Variants in SS18 observed in about 807,000 individuals in gnomAD.
SS18 encodes the protein protein SSXT.
A neutral mutation model predicts 72.5 loss-of-function variants in SS18; 28 were observed. The observed-to-expected ratio is 0.39, with a 90% CI of 0.29 to 0.53. SS18 has a LOEUF of 0.53. Ranked by LOEUF, SS18 falls within the 20% of genes least tolerant of loss-of-function variation. SS18 has a pLI of 0.76. For missense variants in SS18, 518 were observed against 535.3 expected (o/e 0.97, Z 0.32); for synonymous variants, 172 against 164.2 (o/e 1.05, Z -0.37).
chr18:26,053,553 T>C (rs1372662621), intron 4 of SS18, among the ~76,000 whole-genome samples: 1 of 151,646 alleles, frequency 6.6e-6, no homozygotes, highest in East Asian at 1.9e-4. Flanking sequence ...AATAAGAAAA[T>C]ATTATTTATA....
intron 10 of SS18, among the ~76,000 whole-genome samples, chr18:26,026,752 A>G (rs963996844): frequency 6.6e-6 from 1 of 152,196 alleles, no homozygotes; most frequent in Non-Finnish European, 1.5e-5. Context: ...AAATCTACAA[A>G]AACACTACTA....
chr18:26,030,160 C>A (rs1176356087), intron 10 of SS18, among the ~76,000 whole-genome samples: 12 of 152,216 alleles, frequency 7.9e-5, no homozygotes, highest in Admixed American at 3.3e-4. Flanking sequence ...AAGTTCAAGT[C>A]CCCTAATACG....
chr18:26,067,793 CA>C (rs767454015), intron 3 of SS18, among the ~76,000 whole-genome samples: 5 of 151,732 alleles, frequency 3.3e-5, no homozygotes, highest in Non-Finnish European at 5.9e-5. Flanking sequence ...TCATGCTTAC[CA>C]AAAAGACCAG....
At chr18:26,077,411 T>C (rs2054436434) in intron 3 of SS18, among the ~76,000 whole-genome samples, 1 of 152,012 alleles carries the variant, frequency 6.6e-6, no homozygotes, top group Non-Finnish European at 1.5e-5. Flanking sequence ...AAATGCAGAA[T>C]GTTAAAAATT....
chr18:26,088,839 G>C (rs1474700818), intron 1 of SS18, among the ~76,000 whole-genome samples: 1 of 151,828 alleles, frequency 6.6e-6, no homozygotes, highest in Non-Finnish European at 1.5e-5. Flanking sequence ...AACATTAACT[G>C]TCACTTTTTT....
In SS18 at chr18:26,027,677, A is replaced by T. The variant is rs1212576697; in HGVS notation, c.1230+4722T>A. ...TGACAGAGCGAGACTCATCTAAAAA[A>T]AAAAAAAAAAAAAAAAAAAAAAAAA... is the stretch of plus-strand genomic sequence containing the variant. On this transcript the variant is annotated intron_variant, in intron 10 of 10. Transcript: ENST00000415083. Among the ~76,000 whole-genome samples, 29 of 96,808 alleles carry T rather than the reference A, an allele frequency of 3.0e-4. No individual in the cohort carries two copies. The East Asian group carries it at 7.6e-3, about 25-fold the overall frequency. 63.5% of individuals were successfully genotyped at this position (96,808 alleles called of 152,430 possible). A position where few individuals can be genotyped will look rare whatever the true frequency, so the allele number is the denominator to read the frequency against.
intron 9 of SS18, among the ~76,000 whole-genome samples, chr18:26,034,273 G>A (rs1011028985): frequency 2.0e-5 from 3 of 152,194 alleles, no homozygotes; most frequent in African/African-American, 7.2e-5. Flanking sequence ...CTGTTAGGAA[G>A]AGAAGGAGTC....
chr18:26,027,430 C>T (rs532040607), intron 10 of SS18, among the ~76,000 whole-genome samples: 22 of 151,984 alleles, frequency 1.4e-4, no homozygotes, highest in Admixed American at 1.3e-3. Flanking sequence ...AGGCGGATCA[C>T]GAGGTCAGGA....
At position 26,073,039 on chromosome 18, in the gene SS18, C is replaced by A. The variant is rs151084357; in HGVS notation, c.231+5037G>T. ...CTCTGCTCTCAGTGGCTAAACAATA[C>A]ATATTTTTTTTAAATACACATGAAA... On this transcript the variant is annotated intron_variant, in intron 3 of 10. Transcript: ENST00000415083. 7.9e-4 allele frequency among the ~76,000 whole-genome samples: 120 copies of A among 152,088 alleles called. 1 individual carries two copies. In the East Asian group the frequency reaches 0.013, roughly 16 times the overall value.
At chr18:26,040,726 TC>T (rs1282392792) in intron 5 of SS18, among the ~76,000 whole-genome samples, 1 of 152,196 alleles carries the variant, frequency 6.6e-6, no homozygotes, top group Non-Finnish European at 1.5e-5. Flanking sequence ...TAACTGTTTT[TC>T]TCCTATTTGC....
chr18:26,065,125 T>C (rs2054189832), intron 3 of SS18, among the ~76,000 whole-genome samples: 1 of 152,140 alleles, frequency 6.6e-6, no homozygotes, highest in Non-Finnish European at 1.5e-5. Flanking sequence ...GAAGATTTAT[T>C]AATAATATTG....
At chr18:26,026,729 T>C (rs1002206611) in intron 10 of SS18, among the ~76,000 whole-genome samples, 2 of 152,130 alleles carry the variant, frequency 1.3e-5, no homozygotes, top group Non-Finnish European at 2.9e-5. Flanking sequence ...TTTCTATGTT[T>C]GAATATTCAA....
At chr18:26,020,606 G>T (rs936885679) in intron 10 of SS18, among the ~76,000 whole-genome samples, 1 of 152,070 alleles carries the variant, frequency 6.6e-6, no homozygotes, top group African/African-American at 2.4e-5. Flanking sequence ...AACACTTATG[G>T]AACAAATACT....
intron 4 of SS18, among the ~76,000 whole-genome samples, chr18:26,053,191 G>C (rs990216831): frequency 6.6e-6 from 1 of 152,108 alleles, no homozygotes; most frequent in Admixed American, 6.5e-5. Flanking sequence ...TCTAAAAGTA[G>C]ACCCAAATAC....
intron 1 of SS18, 136 bp from the exon 2 acceptor site, chr18:26,087,713 C>G: frequency 2.0e-6 from 1 of 491,884 alleles, no homozygotes; most frequent in Non-Finnish European, 3.6e-6. Flanking sequence ...TAACAAAATA[C>G]TGTCCCCTGC....
intron 2 of SS18, among the ~76,000 whole-genome samples, chr18:26,084,583 T>C (rs1283785224): frequency 6.6e-6 from 1 of 152,076 alleles, no homozygotes; most frequent in African/African-American, 2.4e-5. Context: ...TTATCACCAA[T>C]ATTGGGACAA....
intron 2 of SS18, chr18:26,080,219 A>G: frequency 2.7e-6 from 1 of 373,128 alleles, no homozygotes; most frequent in Non-Finnish European, 3.7e-6. Flanking sequence ...TTCTGTAGAG[A>G]TCTAGGAAGG....
intron 10 of SS18, among the ~76,000 whole-genome samples, chr18:26,023,244 A>G (rs566698232): frequency 1.3e-5 from 2 of 152,342 alleles, no homozygotes; most frequent in Non-Finnish European, 2.9e-5. Flanking sequence ...GAGGATATTA[A>G]AAGAATTATA....
chr18:26,047,277 A>G (rs959765006), intron 5 of SS18, among the ~76,000 whole-genome samples: 1 of 149,522 alleles, frequency 6.7e-6, no homozygotes, highest in Admixed American at 6.6e-5. Context: ...AAAAAAAAAA[A>G]AAAAAGAAGA....
Sources: gnomAD v4.1 joint callset for allele counts (sites outside exome capture counted in the v4.1 genomes callset) on GRCh38, gnomAD v4.1.1 for gene constraint, MANE v1.5 for transcripts, NCBI Gene and HGNC (gene_info 2026-07-23, HGNC 2026-07-21) for gene names.